Variants in ATRNL1 observed in about 807,000 individuals in gnomAD.
The protein encoded by ATRNL1 is attractin-like protein 1.
In ATRNL1, 95 loss-of-function variants were observed where a neutral mutation model predicts 182.7. The observed-to-expected ratio is 0.52, with a 90% confidence interval of 0.44 to 0.62. ATRNL1 has a LOEUF of 0.62. Ranked by LOEUF, ATRNL1 falls within the 20% of genes least tolerant of loss-of-function variation. ATRNL1 has a pLI of 0.00. For synonymous variants in ATRNL1, 576 were observed against 568.3 expected, an observed-to-expected ratio of 1.01 and a Z score of -0.19; for missense variants, 1,471 against 1,679.5, an observed-to-expected ratio of 0.88 and a Z score of 2.17.
chr10:115,560,443 A>G (rs574408855), intron 26 of ATRNL1, among the ~76,000 whole-genome samples: 18 of 152,308 alleles, frequency 1.2e-4, no homozygotes, highest in Admixed American at 7.2e-4. Flanking sequence ...ACAATGCAAG[A>G]TGAGATTTGG....
chr10:115,325,444 T>C (rs1554932905), intron 18 of ATRNL1, among the ~76,000 whole-genome samples: 2 of 152,246 alleles, frequency 1.3e-5, no homozygotes, highest in Non-Finnish European at 2.9e-5. Flanking sequence ...GGTCCCCTTT[T>C]CTGTAATATA....
At chr10:115,492,644 ATT>A (rs10677710) in intron 24 of ATRNL1, among the ~76,000 whole-genome samples, 9 of 121,852 alleles carry the variant, frequency 7.4e-5, no homozygotes, top group African/African-American at 2.6e-4. Flanking sequence ...TACTAAAGTG[ATT>A]TTTTTTTTTT....
chr10:115,583,989 G>T (rs1475922387), intron 26 of ATRNL1, among the ~76,000 whole-genome samples: 1 of 152,112 alleles, frequency 6.6e-6, no homozygotes, highest in African/African-American at 2.4e-5. Context: ...AAAGGCCTTT[G>T]CTGCTTCTAT....
At chr10:115,694,095 C>T (rs1354439301) in intron 26 of ATRNL1, among the ~76,000 whole-genome samples, 2 of 151,698 alleles carry the variant, frequency 1.3e-5, no homozygotes, top group East Asian at 3.9e-4. Context: ...TTATCTATGC[C>T]TCTTTCTATT....
chr10:115,311,291 G>A (rs934958418), intron 17 of ATRNL1, among the ~76,000 whole-genome samples: 4 of 149,718 alleles, frequency 2.7e-5, no homozygotes, highest in African/African-American at 9.8e-5. Flanking sequence ...CCGGATTCAA[G>A]CAATTCTCCT....
intron 28 of ATRNL1, among the ~76,000 whole-genome samples, chr10:115,871,123 C>A (rs1378929422): frequency 6.6e-6 from 1 of 151,612 alleles, no homozygotes; most frequent in Non-Finnish European, 1.5e-5. Flanking sequence ...AAAAGTTTTT[C>A]TTTTTTTTAT....
At chr10:115,506,113 T>A (rs1300622604) in intron 24 of ATRNL1, among the ~76,000 whole-genome samples, 1 of 152,014 alleles carries the variant, frequency 6.6e-6, no homozygotes, top group Non-Finnish European at 1.5e-5. Flanking sequence ...CATTTCTTTT[T>A]CCCTTTTGCT....
chr10:115,851,809 C>T (rs1435832586), intron 28 of ATRNL1, among the ~76,000 whole-genome samples: 3 of 152,134 alleles, frequency 2.0e-5, no homozygotes, highest in African/African-American at 7.2e-5. Context: ...GTTGTTTATG[C>T]ATATGTTCAC....
In ATRNL1 at chr10:115,120,280, G is replaced by A. The variant is rs1266231277; in HGVS notation, c.377+12G>A. ...CTCATTGAAGGCTAGTAAGTATACA[G>A]TCTGAGTCAAATTAATGTATTTTAT... On this transcript the variant is annotated intron_variant, in intron 2 of 28. Transcript: ENST00000355044. 1.5e-6 allele frequency: 2 copies of A among 1,336,802 alleles called. No homozygotes were observed. Among genetic ancestry groups the A allele is most frequent in the Non-Finnish European group, 2.1e-6 (2 of 950,740 alleles). 82.8% of individuals were successfully genotyped at this position (1,336,802 alleles called of 1,614,324 possible).
intron 8 of ATRNL1, among the ~76,000 whole-genome samples, chr10:115,189,775 A>G (rs1386128365): frequency 6.6e-6 from 1 of 152,136 alleles, no homozygotes; most frequent in African/African-American, 2.4e-5. Flanking sequence ...AGTGTTGACT[A>G]AGTATACAGT....
intron 5 of ATRNL1, among the ~76,000 whole-genome samples, chr10:115,155,903 G>T (rs1564782801): frequency 6.6e-6 from 1 of 152,108 alleles, no homozygotes; most frequent in Non-Finnish European, 1.5e-5. Flanking sequence ...TGAAATGGTA[G>T]TTGTAGAGAC....
At chr10:115,917,771 G>T (rs1555117751) in intron 28 of ATRNL1, among the ~76,000 whole-genome samples, 10 of 152,102 alleles carry the variant, frequency 6.6e-5, no homozygotes, top group Non-Finnish European at 5.9e-5. Context: ...AAAATTTTCT[G>T]CAGGGCTTGA....
chr10:115,680,884 A>C (rs888710378), intron 26 of ATRNL1, among the ~76,000 whole-genome samples: 2 of 152,096 alleles, frequency 1.3e-5, no homozygotes, highest in African/African-American at 2.4e-5. Flanking sequence ...TTTAACAGGG[A>C]GACACTTGGG....
Position 115,469,159 on chromosome 10 carries a change from A to G in ATRNL1, c.3497-13A>G. 9.4e-7 allele frequency: 1 copy of G among 1,061,588 alleles called. No homozygotes were observed. Among genetic ancestry groups the G allele is most frequent in the Non-Finnish European group, 1.3e-6 (1 of 786,058 alleles). 65.8% of individuals were successfully genotyped at this position (1,061,588 alleles called of 1,614,324 possible). Reference sequence around the variant, plus strand: ...TTTCCTAATATTAATTATTTAAATTATTTACATTTTAGCTGGAACAATATC... The same window carrying G: ...TTTCCTAATATTAATTATTTAAATTGTTTACATTTTAGCTGGAACAATATC... On this transcript the variant is annotated splice_polypyrimidine_tract_variant and intron_variant, in intron 23 of 28. Coordinates refer to ENST00000355044, the MANE Select transcript of ATRNL1 (RefSeq NM_207303.4).
intron 26 of ATRNL1, among the ~76,000 whole-genome samples, chr10:115,581,400 C>T (rs1855066037): frequency 6.6e-6 from 1 of 152,056 alleles, no homozygotes; most frequent in Non-Finnish European, 1.5e-5. Flanking sequence ...ACCTCTTACT[C>T]AATCTGCACT....
At chr10:115,507,215 T>C (rs1554981529) in intron 24 of ATRNL1, among the ~76,000 whole-genome samples, 1 of 152,008 alleles carries the variant, frequency 6.6e-6, no homozygotes, top group East Asian at 1.9e-4. Flanking sequence ...GCATTTATCT[T>C]AGTGAGCAGA....
chr10:115,183,739 T>C (rs961920223), intron 8 of ATRNL1, among the ~76,000 whole-genome samples: 8 of 151,524 alleles, frequency 5.3e-5, no homozygotes, highest in African/African-American at 1.4e-4. Context: ...TCTTAATAGC[T>C]GGATAGTCTC....
intron 27 of ATRNL1, among the ~76,000 whole-genome samples, chr10:115,808,620 G>A (rs1260281673): frequency 6.6e-6 from 1 of 152,122 alleles, no homozygotes; most frequent in Non-Finnish European, 1.5e-5. Flanking sequence ...TCTCAAAGGG[G>A]CGGCACCGCT....
chr10:115,598,890 T>A (rs527997194), intron 26 of ATRNL1, among the ~76,000 whole-genome samples: 9 of 148,884 alleles, frequency 6.0e-5, no homozygotes, highest in African/African-American at 7.5e-5. Flanking sequence ...AAGAGAGGAG[T>A]ATTTTTTAAG....
Sources: allele counts gnomAD v4.1 joint callset (sites outside exome capture counted in the v4.1 genomes callset), GRCh38; gene constraint gnomAD v4.1.1; transcripts MANE v1.5; gene names NCBI Gene and HGNC (gene_info 2026-07-23, HGNC 2026-07-21).